IL1RAPL1: variants seen among roughly 807,000 people sequenced by gnomAD.
IL1RAPL1 encodes interleukin 1 receptor accessory protein like 1, also known as interleukin-1 receptor accessory protein-like 1.
Under a neutral mutation model 48.4 loss-of-function variants are expected in IL1RAPL1, and 3 were observed. That is an observed-to-expected ratio of 0.06 (90% CI 0.03 to 0.16). The LOEUF (loss-of-function observed/expected upper bound fraction) is 0.16. IL1RAPL1 is among the 10% of genes least tolerant of loss of function. The pLI, the probability that IL1RAPL1 is intolerant of heterozygous loss-of-function variation, is 1.00. For synonymous variants in IL1RAPL1, 185 were observed against 187.7 expected (o/e 0.99, Z 0.12); for missense variants, 349 against 530.6 (o/e 0.66, Z 3.36).
intron 2 of IL1RAPL1, among the ~76,000 whole-genome samples, chrX:29,189,124 T>C (rs1930307483): frequency 8.9e-6 from 1 of 112,351 alleles, no homozygotes; most frequent in Non-Finnish European, 1.9e-5. Context: ...AACGTTCTTA[T>C]GAGCTTCTTT....
intron 2 of IL1RAPL1, among the ~76,000 whole-genome samples, chrX:29,175,618 G>A (rs113554686): frequency 1.1e-3 from 121 of 109,461 alleles, no homozygotes; most frequent in African/African-American, 3.8e-3. Flanking sequence ...AGGCCGAGGC[G>A]GGAGGATCAT....
At chrX:29,750,291 T>G (rs193231724) in intron 6 of IL1RAPL1, among the ~76,000 whole-genome samples, 292 of 112,392 alleles carry the variant, frequency 2.6e-3, no homozygotes, top group African/African-American at 9.1e-3. Context: ...CCACTTTTTC[T>G]TCAGAAAGTA....
intron 2 of IL1RAPL1, among the ~76,000 whole-genome samples, chrX:28,923,914 TTAAAA>T (rs1176193376): frequency 8.9e-6 from 1 of 111,991 alleles, no homozygotes; most frequent in African/African-American, 3.2e-5. Flanking sequence ...AAATTAAGTA[TTAAAA>T]TAAAACTTTT....
At chrX:28,980,649 T>C (rs895285118) in intron 2 of IL1RAPL1, among the ~76,000 whole-genome samples, 2 of 111,611 alleles carry the variant, frequency 1.8e-5, no homozygotes, top group African/African-American at 6.5e-5. Context: ...AGAGGGAGTT[T>C]GCAGTTAGGT....
intron 2 of IL1RAPL1, among the ~76,000 whole-genome samples, chrX:29,103,367 G>A (rs902081111): frequency 1.8e-5 from 2 of 111,719 alleles, no homozygotes; most frequent in Admixed American, 9.5e-5. Flanking sequence ...AACATACATT[G>A]AGTAAAAAAC....
At chrX:29,116,630 T>G (rs1928682716) in intron 2 of IL1RAPL1, among the ~76,000 whole-genome samples, 1 of 111,556 alleles carries the variant, frequency 9.0e-6, no homozygotes, top group Non-Finnish European at 1.9e-5. Context: ...AATGATACAC[T>G]CAGCACAGAG....
chrX:29,945,579 T>C, intron 9 of IL1RAPL1, among the ~76,000 whole-genome samples: 1 of 112,449 alleles, frequency 8.9e-6, no homozygotes, highest in East Asian at 2.8e-4. Flanking sequence ...ATTTATTGAA[T>C]AACAAGTGAT....
intron 1 of IL1RAPL1, among the ~76,000 whole-genome samples, chrX:28,692,732 G>A (rs769149628): frequency 1.1e-4 from 12 of 111,895 alleles, no homozygotes; most frequent in Admixed American, 1.9e-4. Flanking sequence ...GAAATATAAC[G>A]TACAATTTTG....
At chrX:28,802,059 AT>A (rs1936681957) in intron 2 of IL1RAPL1, among the ~76,000 whole-genome samples, 1 of 112,143 alleles carries the variant, frequency 8.9e-6, no homozygotes, top group Non-Finnish European at 1.9e-5. Flanking sequence ...TGTTAGCTAC[AT>A]TTAACTTTGT....
chrX:29,685,844 G>C (rs891685394), intron 6 of IL1RAPL1, among the ~76,000 whole-genome samples: 1 of 104,518 alleles, frequency 9.6e-6, no homozygotes, highest in Non-Finnish European at 1.9e-5. Flanking sequence ...AATTAGTCAG[G>C]CATGGTGGTG....
intron 2 of IL1RAPL1, among the ~76,000 whole-genome samples, chrX:29,157,740 C>G (rs2147502917): frequency 9.0e-6 from 1 of 110,704 alleles, no homozygotes; most frequent in South Asian, 3.8e-4. Flanking sequence ...AGAAATTAGC[C>G]CACCAGTATG....
intron 2 of IL1RAPL1, among the ~76,000 whole-genome samples, chrX:29,029,514 T>C (rs1926568807): frequency 8.9e-6 from 1 of 111,958 alleles, no homozygotes; most frequent in Admixed American, 9.5e-5. Flanking sequence ...AACTGATTTC[T>C]TTAGCTCTTG....
intron 1 of IL1RAPL1, among the ~76,000 whole-genome samples, chrX:28,622,092 A>T (rs138648104): frequency 9.0e-6 from 1 of 111,633 alleles, no homozygotes; most frequent in Admixed American, 9.5e-5. Flanking sequence ...GAAAAGTACT[A>T]TAAGAATACT....
At chrX:29,527,370 G>A (rs1356756526) in intron 5 of IL1RAPL1, among the ~76,000 whole-genome samples, 1 of 60,795 alleles carries the variant, frequency 1.6e-5, no homozygotes, top group African/African-American at 7.0e-5. Context: ...ACGGAGTCTT[G>A]CTTTCTCACC....
chrX:28,721,756 T>G (rs1218390057), intron 1 of IL1RAPL1, among the ~76,000 whole-genome samples: 3 of 111,401 alleles, frequency 2.7e-5, no homozygotes, highest in African/African-American at 9.8e-5. Flanking sequence ...TAATCCATCT[T>G]GAATTAATTT....
intron 2 of IL1RAPL1, among the ~76,000 whole-genome samples, chrX:28,970,514 A>T (rs1375544094): frequency 8.9e-6 from 1 of 111,943 alleles, no homozygotes; most frequent in African/African-American, 3.2e-5. Context: ...AATTGTGTCA[A>T]TTGGATGTTC....
chrX:29,809,530 G>T (rs972207631), intron 6 of IL1RAPL1, among the ~76,000 whole-genome samples: 1 of 111,364 alleles, frequency 9.0e-6, no homozygotes, highest in Admixed American at 9.6e-5. Context: ...ATGTAAGTAC[G>T]TAGGAGACTT....
intron 2 of IL1RAPL1, among the ~76,000 whole-genome samples, chrX:29,062,960 A>G (rs1927373881): frequency 8.9e-6 from 1 of 111,899 alleles, no homozygotes; most frequent in Non-Finnish European, 1.9e-5. Flanking sequence ...TCTATAGGCA[A>G]CTTCTATTGT....
chrX:29,478,038 C>T lies in IL1RAPL1; in HGVS notation c.703+78730C>T, dbSNP rs1184445209. Among the ~76,000 whole-genome samples the T allele has an allele frequency of 4.5e-5, 5 of 111,770 alleles. No individual in the cohort carries two copies. The East Asian group carries it at 1.1e-3, about 25-fold the overall frequency. ...CAAATTAAAACAAGATAATTTTACC[C>T]TCACAAGCAAAAATAAAACAGAAAG... On this transcript the variant is annotated intron_variant, in intron 5 of 10. Transcript: ENST00000378993.
Sources: gnomAD v4.1 joint callset for allele counts (sites outside exome capture counted in the v4.1 genomes callset) on GRCh38, gnomAD v4.1.1 for gene constraint, MANE v1.5 for transcripts, NCBI Gene and HGNC (gene_info 2026-07-23, HGNC 2026-07-21) for gene names.